VPS13A: variants seen among roughly 807,000 people sequenced by gnomAD.
The protein encoded by VPS13A is intermembrane lipid transfer protein VPS13A.
In VPS13A, 264 loss-of-function variants were observed where a neutral mutation model predicts 390.9. That is an observed-to-expected ratio of 0.68 (90% CI 0.61 to 0.75). The LOEUF (loss-of-function observed/expected upper bound fraction) is 0.75, where lower values mean the gene tolerates loss of function less well. VPS13A is among the 30% of genes least tolerant of loss of function. The pLI, the probability that VPS13A is intolerant of heterozygous loss-of-function variation, is 0.00. For missense variants in VPS13A, 3,409 were observed against 3,733.9 expected (o/e 0.91, Z 2.27); for synonymous variants, 1,231 against 1,227.1 (o/e 1.00, Z -0.07).
chr9:77,188,715 G>A (rs1021369356), intron 1 of VPS13A, among the ~76,000 whole-genome samples: 2 of 152,174 alleles, frequency 1.3e-5, no homozygotes, highest in Non-Finnish European at 2.9e-5. Context: ...GCATTCCAAA[G>A]TGGCTGAACT....
At chr9:77,202,392 T>C (rs1182054086) in intron 3 of VPS13A, among the ~76,000 whole-genome samples, 1 of 152,158 alleles carries the variant, frequency 6.6e-6, no homozygotes, top group Non-Finnish European at 1.5e-5. Flanking sequence ...TTTATATGTA[T>C]TGAAATACTT....
intron 46 of VPS13A, among the ~76,000 whole-genome samples, chr9:77,335,263 A>T (rs1356233730): frequency 1.3e-5 from 2 of 152,242 alleles, no homozygotes; most frequent in Non-Finnish European, 2.9e-5. Context: ...TAATATTCAA[A>T]TATAAAGATT....
chr9:77,270,040 T>A (rs796550365), intron 23 of VPS13A, among the ~76,000 whole-genome samples: 2 of 152,190 alleles, frequency 1.3e-5, no homozygotes, highest in South Asian at 4.1e-4. Context: ...TGTGAGAACA[T>A]AGATTTCTGT....
intron 15 of VPS13A, among the ~76,000 whole-genome samples, chr9:77,227,101 A>G (rs1338416813): frequency 1.3e-5 from 2 of 152,170 alleles, no homozygotes; most frequent in Non-Finnish European, 2.9e-5. Context: ...TACTTTTTAT[A>G]CTAAATGTGT....
intron 34 of VPS13A, among the ~76,000 whole-genome samples, chr9:77,306,617 TAGAGGAGGTCAG>T (rs1828768621): frequency 6.6e-6 from 1 of 152,062 alleles, no homozygotes; most frequent in African/African-American, 2.4e-5. Context: ...AATTCTTGCT[TAGAGGAGGTCAG>T]TCTTTTTTTA....
rs527381400 is a variant in VPS13A, at chr9:77,195,385, A to G, written c.101-4560A>G. ...GTGATCTGCCTGCTTCGGCCTCCCA[A>G]AGTGCTGGGATTACAGGCGTGAGCC... On this transcript the variant is annotated intron_variant, in intron 1 of 71. Transcript: ENST00000360280. Among the ~76,000 whole-genome samples, 32 of 152,108 alleles carry G rather than the reference A, an allele frequency of 2.1e-4. 1 individual carries two copies. The South Asian group carries it at 6.6e-3, about 32-fold the overall frequency.
At chr9:77,242,309 A>G (rs1824547088) in intron 19 of VPS13A, among the ~76,000 whole-genome samples, 1 of 152,148 alleles carries the variant, frequency 6.6e-6, no homozygotes, top group Non-Finnish European at 1.5e-5. Context: ...CATTTTGATA[A>G]GACCTTCAGG....
chr9:77,379,531 C>T (rs1005533051), intron 67 of VPS13A, among the ~76,000 whole-genome samples: 7 of 152,120 alleles, frequency 4.6e-5, no homozygotes, highest in African/African-American at 1.2e-4. Flanking sequence ...TGAGCCACCA[C>T]GCCCGGCCAT....
At chr9:77,254,845 G>A (rs75001540) in intron 22 of VPS13A, among the ~76,000 whole-genome samples, 147 of 152,196 alleles carry the variant, frequency 9.7e-4, no homozygotes, top group Non-Finnish European at 1.7e-3. Context: ...TTTATATCCT[G>A]CAACTTGTGA....
chr9:77,245,658 A>C (rs774053827), intron 19 of VPS13A, among the ~76,000 whole-genome samples: 1 of 152,010 alleles, frequency 6.6e-6, no homozygotes, highest in African/African-American at 2.4e-5. Flanking sequence ...TCCTCTCTCT[A>C]CTAGAGTCTT....
chr9:77,344,305 A>G (rs745852470), intron 51 of VPS13A, 24 bp downstream of exon 51: 3 of 1,610,272 alleles, frequency 1.9e-6, no homozygotes, highest in South Asian at 1.1e-5. Flanking sequence ...TCTTTTTTGC[A>G]TGTGTCATTA....
intron 59 of VPS13A, among the ~76,000 whole-genome samples, chr9:77,365,100 T>C (rs1032503176): frequency 6.6e-6 from 1 of 152,198 alleles, no homozygotes; most frequent in Non-Finnish European, 1.5e-5. Context: ...TTAAAGCAAT[T>C]ACAAGTAGAC....
chr9:77,242,237 A>G (rs1040465196), intron 19 of VPS13A, among the ~76,000 whole-genome samples: 5 of 152,122 alleles, frequency 3.3e-5, no homozygotes, highest in Non-Finnish European at 5.9e-5. Context: ...GAGATATACT[A>G]TCTGTCATTT....
chr9:77,302,571 C>T (rs1343867507), intron 33 of VPS13A, among the ~76,000 whole-genome samples: 18 of 151,816 alleles, frequency 1.2e-4, no homozygotes, highest in Admixed American at 1.2e-3. Flanking sequence ...TGGGGTTTCA[C>T]CATGTTGGCC....
At chr9:77,397,876 A>T (rs1834183615) in intron 68 of VPS13A, among the ~76,000 whole-genome samples, 1 of 152,162 alleles carries the variant, frequency 6.6e-6, no homozygotes, top group Non-Finnish European at 1.5e-5. Flanking sequence ...TAGGTAATTT[A>T]TATATATACT....
At chr9:77,414,581 G>C (rs893744147) in intron 71 of VPS13A, among the ~76,000 whole-genome samples, 2 of 151,596 alleles carry the variant, frequency 1.3e-5, no homozygotes, top group Non-Finnish European at 2.9e-5. Context: ...ACACACCAGG[G>C]CCTGTTATGG....
In VPS13A at chr9:77,360,560, A is replaced by G. The variant is rs776080879; in HGVS notation, c.8130A>G (p.Glu2710=). Residue 2710 remains glutamate, a synonymous_variant, in exon 59 of 72, where the codon GAA becomes GAG. Transcript: ENST00000360280. The part of the protein sequence containing the change: ...RIKYFKVLIQ[E]MDLRLDLGFI... ...GGTATTTCAAAGTATTGATTCAAGA[A>G]ATGGATCTCAGGTTAGATCTTGGGT... 33 of 1,612,744 alleles carry G rather than the reference A, an allele frequency of 2.0e-5. No individual in the cohort carries two copies. The highest frequency in any genetic ancestry group is 2.7e-5 in the Non-Finnish European group (32 of 1,179,220).
At chr9:77,307,898 C>A in intron 34 of VPS13A, 47 bp from the exon 35 acceptor site, 1 of 1,468,282 alleles carries the variant, frequency 6.8e-7, no homozygotes. Flanking sequence ...TTAAATTCTG[C>A]AATGAAGTAG....
chr9:77,376,967 A>T (rs1274647416), intron 67 of VPS13A, among the ~76,000 whole-genome samples: 1 of 152,202 alleles, frequency 6.6e-6, no homozygotes, highest in Non-Finnish European at 1.5e-5. Flanking sequence ...TTTTAGGGTC[A>T]GTTTGTCAAT....
Sources: gnomAD v4.1 joint callset for allele counts (sites outside exome capture counted in the v4.1 genomes callset) on GRCh38, gnomAD v4.1.1 for gene constraint, MANE v1.5 for transcripts, NCBI Gene and HGNC (gene_info 2026-07-23, HGNC 2026-07-21) for gene names.